Variants in ALCAM observed in about 807,000 individuals in gnomAD.
ALCAM encodes CD166 antigen.
Under a neutral mutation model 70.9 loss-of-function variants are expected in ALCAM, and 30 were observed. The ratio of observed to expected loss-of-function variants is 0.42; its 90% confidence interval spans 0.32 to 0.57. The LOEUF (loss-of-function observed/expected upper bound fraction) is 0.57. ALCAM is among the 20% of genes least tolerant of loss of function. ALCAM has a pLI of 0.11. For missense variants in ALCAM, 591 were observed against 695.1 expected (o/e 0.85, Z 1.68); for synonymous variants, 249 against 242.5 (o/e 1.03, Z -0.25).
At chr3:105,573,427 CAT>C (rs1409530558) in intron 15 of ALCAM, among the ~76,000 whole-genome samples, 1 of 152,118 alleles carries the variant, frequency 6.6e-6, no homozygotes, top group Non-Finnish European at 1.5e-5. Flanking sequence ...TAATGAAAAG[CAT>C]AACAAACTTG....
chr3:105,412,809 C>A (rs1936422258), intron 1 of ALCAM, among the ~76,000 whole-genome samples: 1 of 151,954 alleles, frequency 6.6e-6, no homozygotes. Context: ...AATGTTCATC[C>A]AAAGGGCTTA....
chr3:105,485,415 G>C (rs2152608967), intron 1 of ALCAM, among the ~76,000 whole-genome samples: 1 of 152,056 alleles, frequency 6.6e-6, no homozygotes, highest in East Asian at 1.9e-4. Context: ...ATCCACATGT[G>C]TGTGACAGAG....
At chr3:105,540,796 G>A (rs759063864) in intron 7 of ALCAM, among the ~76,000 whole-genome samples, 24 of 151,784 alleles carry the variant, frequency 1.6e-4, no homozygotes, top group Non-Finnish European at 1.5e-5. Flanking sequence ...TTTACTGCAG[G>A]GTTGTGCTTA....
intron 14 of ALCAM, among the ~76,000 whole-genome samples, chr3:105,570,492 C>T (rs1382294741): frequency 6.6e-6 from 1 of 151,906 alleles, no homozygotes; most frequent in Non-Finnish European, 1.5e-5. Flanking sequence ...GAATACACAT[C>T]GATAGAAGAC....
chr3:105,427,055 G>A (rs1007874991), intron 1 of ALCAM, among the ~76,000 whole-genome samples: 1 of 151,656 alleles, frequency 6.6e-6, no homozygotes, highest in Non-Finnish European at 1.5e-5. Flanking sequence ...GGGAAGGAAG[G>A]GGAAAAAAAG....
chr3:105,547,265 A>G lies in ALCAM; in HGVS notation c.1221A>G (p.Ser407=), dbSNP rs767218400. 1.6e-5 allele frequency: 25 copies of G among 1,595,908 alleles called. No individual in the cohort carries two copies. In the South Asian group the frequency reaches 2.5e-4, roughly 16 times the overall value. Residue 407 remains serine, a synonymous_variant, in exon 10 of 16, where the codon TCA becomes TCG. Transcript: ENST00000306107. The part of the protein sequence containing the change: ...QEVEGLKKRE[S]LTLIVEGKPQ... ...TTGAAGGACTAAAGAAAAGAGAGTC[A>G]TTGACTCTCATTGTAGAAGGTAATA... is the stretch of plus-strand genomic sequence containing the variant.
chr3:105,495,367 C>A (rs964679120), intron 1 of ALCAM, among the ~76,000 whole-genome samples: 13 of 151,926 alleles, frequency 8.6e-5, no homozygotes, highest in Admixed American at 6.6e-4. Flanking sequence ...AACTGCAGTA[C>A]CAGCAGGACC....
chr3:105,445,393 T>C (rs1395481849), intron 1 of ALCAM, among the ~76,000 whole-genome samples: 2 of 152,178 alleles, frequency 1.3e-5, no homozygotes, highest in East Asian at 3.9e-4. Context: ...ATTGTTAAAA[T>C]GTCCATACTA....
intron 6 of ALCAM, among the ~76,000 whole-genome samples, chr3:105,537,887 TGAA>T (rs948624189): frequency 3.9e-5 from 6 of 152,108 alleles, no homozygotes; most frequent in African/African-American, 9.6e-5. Flanking sequence ...AATGAATAAA[TGAA>T]GAAGGACTGT....
At chr3:105,453,104 T>C (rs193141168) in intron 1 of ALCAM, among the ~76,000 whole-genome samples, 246 of 152,348 alleles carry the variant, frequency 1.6e-3, no homozygotes, top group Non-Finnish European at 2.8e-4. Context: ...ATTTTGGCTT[T>C]TGTTGCAATT....
intron 1 of ALCAM, among the ~76,000 whole-genome samples, chr3:105,498,966 CAG>C (rs1938843910): frequency 6.6e-6 from 1 of 152,028 alleles, no homozygotes; most frequent in Admixed American, 6.5e-5. Flanking sequence ...TAATGTATTT[CAG>C]AGTTTTGCTT....
At chr3:105,472,354 A>T (rs1278599174) in intron 1 of ALCAM, among the ~76,000 whole-genome samples, 2 of 151,520 alleles carry the variant, frequency 1.3e-5, no homozygotes, top group Non-Finnish European at 3.0e-5. Context: ...AAGAAGACAG[A>T]CTGGGAAAGC....
At chr3:105,507,871 G>A (rs139901335) in intron 1 of ALCAM, among the ~76,000 whole-genome samples, 61 of 152,190 alleles carry the variant, frequency 4.0e-4, no homozygotes, top group African/African-American at 1.3e-3. Context: ...CATTCAGTAC[G>A]TTTTTATTGG....
chr3:105,435,777 G>A (rs1374841921), intron 1 of ALCAM, among the ~76,000 whole-genome samples: 1 of 151,318 alleles, frequency 6.6e-6, no homozygotes, highest in Non-Finnish European at 1.5e-5. Flanking sequence ...AGAAAAAGAG[G>A]TTTTTTTTTG....
chr3:105,533,803 G>A, intron 5 of ALCAM, 113 bp downstream of exon 5: 2 of 920,564 alleles, frequency 2.2e-6, no homozygotes, highest in Non-Finnish European at 3.3e-6. Flanking sequence ...ACCAGGAACT[G>A]GTTTCATGGA....
chr3:105,441,770 A>T (rs1036862784), intron 1 of ALCAM, among the ~76,000 whole-genome samples: 1 of 152,222 alleles, frequency 6.6e-6, no homozygotes, highest in African/African-American at 2.4e-5. Flanking sequence ...TATAAATAAG[A>T]GCTTAACATT....
At chr3:105,487,878 T>G (rs1423674569) in intron 1 of ALCAM, among the ~76,000 whole-genome samples, 1 of 152,106 alleles carries the variant, frequency 6.6e-6, no homozygotes, top group East Asian at 1.9e-4. Context: ...ACCAAGGGGC[T>G]TGCATGAGAG....
At chr3:105,398,388 A>C (rs1006498150) in intron 1 of ALCAM, among the ~76,000 whole-genome samples, 16 of 152,094 alleles carry the variant, frequency 1.1e-4, no homozygotes, top group Admixed American at 9.8e-4. Context: ...ATTACTGAGA[A>C]ATTTACGAGG....
intron 1 of ALCAM, among the ~76,000 whole-genome samples, chr3:105,431,764 T>G (rs946726508): frequency 1.3e-5 from 2 of 152,130 alleles, no homozygotes; most frequent in Admixed American, 6.6e-5. Flanking sequence ...TTTCACCCTG[T>G]TTTTGTTATG....
Sources: allele counts gnomAD v4.1 joint callset (sites outside exome capture counted in the v4.1 genomes callset), GRCh38; gene constraint gnomAD v4.1.1; transcripts MANE v1.5; gene names NCBI Gene and HGNC (gene_info 2026-07-23, HGNC 2026-07-21).